The following TRAPPC8 variants were observed in gnomAD, a reference collection of about 807,000 sequenced individuals.
The protein encoded by TRAPPC8 is general sporulation gene 1 homolog.
A neutral mutation model predicts 174.3 loss-of-function variants in TRAPPC8; 54 were observed. The ratio of observed to expected loss-of-function variants is 0.31; its 90% CI spans 0.25 to 0.39. The LOEUF (loss-of-function observed/expected upper bound fraction) is 0.39. Among genes scored for constraint, TRAPPC8 ranks in the 10% least tolerant of loss-of-function variants. TRAPPC8 has a pLI of 1.00. For synonymous variants in TRAPPC8, 630 were observed against 579.9 expected (o/e 1.09, Z -1.24); for missense variants, 1,531 against 1,699.1 (o/e 0.90, Z 1.74).
intron 12 of TRAPPC8, among the ~76,000 whole-genome samples, chr18:31,886,224 G>A (rs907638457): frequency 2.6e-5 from 4 of 151,386 alleles, no homozygotes; most frequent in African/African-American, 9.7e-5. Context: ...GGTCAGACTG[G>A]TCTCGAACTC....
At chr18:31,923,623 T>C (rs549211698) in intron 2 of TRAPPC8, among the ~76,000 whole-genome samples, 1 of 152,170 alleles carries the variant, frequency 6.6e-6, no homozygotes, top group Admixed American at 6.5e-5. Context: ...CCAAAGAGTA[T>C]TATTCTGTTT....
rs771322496 is a variant in TRAPPC8, at chr18:31,870,435, T to C, written c.2325A>G (p.Ser775=). 1 of 1,613,314 alleles carries C rather than the reference T, an allele frequency of 6.2e-7. No individual in the cohort carries two copies. Among genetic ancestry groups the C allele is most frequent in the Non-Finnish European group, 8.5e-7 (1 of 1,179,590 alleles). ...CTTTAGGATGAAACTTCCAAAGCAA[T>C]GACAAATCAGTCAACAAAAGTAGAA... is the stretch of plus-strand genomic sequence containing the variant. ...LKVLLLLTDL[S]LLWKFHPKDF... Residue 775 remains serine (S), a synonymous_variant, in exon 16 of 29, where the codon TCA becomes TCG. Coordinates refer to ENST00000283351, the MANE Select transcript of TRAPPC8 (RefSeq NM_014939.5).
chr18:31,891,421 G>C (rs912268457), intron 11 of TRAPPC8, among the ~76,000 whole-genome samples: 8 of 152,082 alleles, frequency 5.3e-5, no homozygotes, highest in African/African-American at 1.9e-4. Flanking sequence ...TCATTAAAAA[G>C]TTCACAATGC....
At chr18:31,928,964 T>G (rs1234404989) in intron 2 of TRAPPC8, among the ~76,000 whole-genome samples, 1 of 151,972 alleles carries the variant, frequency 6.6e-6, no homozygotes. Flanking sequence ...GTGGATCAGT[T>G]GAGGTCAGGA....
At chr18:31,855,913 T>C (rs893827805) in intron 20 of TRAPPC8, 106 bp from the exon 21 acceptor site, 6 of 1,219,190 alleles carry the variant, frequency 4.9e-6, no homozygotes, top group Middle Eastern at 2.2e-4. Flanking sequence ...CTCAGGACCA[T>C]TTATACTCTA....
chr18:31,849,925 A>G (rs1233377133), intron 24 of TRAPPC8, among the ~76,000 whole-genome samples, 186 bp from the exon 25 acceptor site: 1 of 152,026 alleles, frequency 6.6e-6, no homozygotes, highest in Non-Finnish European at 1.5e-5. Flanking sequence ...CCACTTGAAC[A>G]TTCAAAAGAT....
At chr18:31,835,289 G>GT (rs1164132659) in intron 27 of TRAPPC8, among the ~76,000 whole-genome samples, 1 of 152,144 alleles carries the variant, frequency 6.6e-6, no homozygotes, top group African/African-American at 2.4e-5. Context: ...CATACACCTA[G>GT]TAAGACACTA....
At chr18:31,936,697 T>A (rs59908498) in intron 1 of TRAPPC8, among the ~76,000 whole-genome samples, 6,100 of 139,080 alleles carry the variant, frequency 0.044, 349 homozygotes, top group African/African-American at 0.13. Flanking sequence ...AGGTCGGGAG[T>A]TCGAGACTAG....
chr18:31,838,126 T>C (rs1336895870), intron 27 of TRAPPC8, among the ~76,000 whole-genome samples: 1 of 152,168 alleles, frequency 6.6e-6, no homozygotes, highest in Admixed American at 6.5e-5. Flanking sequence ...TGTACCACCA[T>C]GCCCGGCTCT....
intron 12 of TRAPPC8, among the ~76,000 whole-genome samples, chr18:31,876,507 AAAAAAG>A (rs1181348812): frequency 1.4e-5 from 2 of 147,556 alleles, no homozygotes; most frequent in African/African-American, 5.0e-5. Context: ...AAAAAAAAAA[AAAAAAG>A]ATCACTTACT....
At chr18:31,935,921 T>C (rs1320111692) in intron 1 of TRAPPC8, among the ~76,000 whole-genome samples, 4 of 151,204 alleles carry the variant, frequency 2.6e-5, no homozygotes, top group Admixed American at 6.6e-5. Flanking sequence ...GTTTTTTTAG[T>C]AGAGACGAGG....
intron 21 of TRAPPC8, 32 bp from the exon 22 acceptor site, chr18:31,853,977 A>G: frequency 6.6e-7 from 1 of 1,517,020 alleles, no homozygotes; most frequent in Non-Finnish European, 9.0e-7. Flanking sequence ...GTCATTCAGG[A>G]TTTAGAAGCA....
intron 2 of TRAPPC8, among the ~76,000 whole-genome samples, chr18:31,920,011 C>T (rs2037316448): frequency 6.6e-6 from 1 of 152,138 alleles, no homozygotes; most frequent in East Asian, 1.9e-4. Context: ...ACCTACCCTT[C>T]TCCCCAACTC....
At chr18:31,867,229 A>G (rs2034630575) in intron 17 of TRAPPC8, among the ~76,000 whole-genome samples, 173 bp downstream of exon 17, 1 of 152,164 alleles carries the variant, frequency 6.6e-6, no homozygotes. Context: ...TAACAAATCA[A>G]AGACCACTGC....
chr18:31,843,094 T>G (rs1253179266), intron 26 of TRAPPC8, among the ~76,000 whole-genome samples: 1 of 152,182 alleles, frequency 6.6e-6, no homozygotes, highest in Non-Finnish European at 1.5e-5. Flanking sequence ...TTTTATAAAT[T>G]CTTAAGGAAA....
intron 1 of TRAPPC8, among the ~76,000 whole-genome samples, chr18:31,936,301 A>C (rs1399829365): frequency 6.6e-6 from 1 of 151,748 alleles, no homozygotes; most frequent in Non-Finnish European, 1.5e-5. Flanking sequence ...TCTACAAAAA[A>C]AATTTTTTTT....
chr18:31,893,396 TGTGTGTGC>T (rs1341509908), intron 11 of TRAPPC8, among the ~76,000 whole-genome samples: 3 of 150,384 alleles, frequency 2.0e-5, no homozygotes, highest in African/African-American at 7.5e-5. Flanking sequence ...TGTGTGTGTG[TGTGTGTGC>T]GCGCGCGCGT....
intron 11 of TRAPPC8, among the ~76,000 whole-genome samples, chr18:31,894,943 T>C (rs748672872): frequency 6.6e-6 from 1 of 152,212 alleles, no homozygotes; most frequent in Non-Finnish European, 1.5e-5. Flanking sequence ...TAGGTATGTC[T>C]TAAGCACCAA....
chr18:31,932,368 A>C (rs561169451), intron 1 of TRAPPC8, among the ~76,000 whole-genome samples: 2 of 151,362 alleles, frequency 1.3e-5, no homozygotes, highest in Non-Finnish European at 2.9e-5. Context: ...CGGAGGTTGC[A>C]GCGAGCCGAG....
Sources: allele counts gnomAD v4.1 joint callset (sites outside exome capture counted in the v4.1 genomes callset), GRCh38; gene constraint gnomAD v4.1.1; transcripts MANE v1.5; gene names NCBI Gene and HGNC (gene_info 2026-07-23, HGNC 2026-07-21).